Variants in IGHMBP2 observed in about 807,000 individuals in gnomAD.
The protein encoded by IGHMBP2 is DNA-binding protein SMUBP-2.
In IGHMBP2, 81 loss-of-function variants were observed where a neutral mutation model predicts 96.0. The ratio of observed to expected loss-of-function variants is 0.84; its 90% CI spans 0.71 to 1.01. IGHMBP2 has a LOEUF of 1.01. IGHMBP2 is among the 50% of genes least tolerant of loss of function. IGHMBP2 has a pLI of 0.00. For missense variants in IGHMBP2, 1,227 were observed against 1,306.3 expected, an observed-to-expected ratio of 0.94 and a Z score of 0.94; for synonymous variants, 557 against 548.9, an observed-to-expected ratio of 1.01 and a Z score of -0.21.
In IGHMBP2 at chr11:68,936,532, G is replaced by A; in HGVS notation, c.2052G>A (p.Gln684=). Residue 684 remains glutamine, a synonymous_variant, in exon 13 of 15, where the codon CAG becomes CAA. Transcript: ENST00000255078. ...RTGSQRQEGG[Q]EAAAPARQGR... ...GAAGCCAGCGGCAGGAGGGAGGCCAGGAGGCTGCAGCACCTGCCAGACAGG... is the reference window on the plus strand; with the variant it reads ...GAAGCCAGCGGCAGGAGGGAGGCCAAGAGGCTGCAGCACCTGCCAGACAGG... The A allele has an allele frequency of 6.2e-7, 1 of 1,613,174 alleles. No individual in the cohort carries two copies. The highest frequency in any genetic ancestry group is 8.5e-7 in the Non-Finnish European group (1 of 1,179,774).
At chr11:68,924,253 C>G (rs1438234230) in intron 7 of IGHMBP2, among the ~76,000 whole-genome samples, 1 of 152,196 alleles carries the variant, frequency 6.6e-6, no homozygotes, top group African/African-American at 2.4e-5. Context: ...GAGAGCACTC[C>G]CGTTACAGAG....
In IGHMBP2 at chr11:68,938,240, C is replaced by T. The variant is rs759271458; in HGVS notation, c.2670C>T (p.Ala890=). The change falls in exon 14 of 15, where the codon GCC becomes GCT. Residue 890 remains alanine, a synonymous_variant. Transcript: ENST00000255078. ...ACTTTGAGGCCCTGGTTTCTGCCGC[C>T]GTTAAGGCTGATAACACCTGCGGCT... ...EEDFEALVSA[A]VKADNTCGFA... 19 of 1,613,968 alleles carry T rather than the reference C, an allele frequency of 1.2e-5. No individual in the cohort carries two copies. The highest frequency in any genetic ancestry group is 5.3e-5 in the African/African-American group (4 of 74,936).
chr11:68,923,407 T>G (rs1377369996), intron 7 of IGHMBP2, among the ~76,000 whole-genome samples: 1 of 152,156 alleles, frequency 6.6e-6, no homozygotes, highest in African/African-American at 2.4e-5. Flanking sequence ...TTCACCATGT[T>G]GGCCAGGCTG....
Position 68,921,185 on chromosome 11 carries a change from C to CTT in IGHMBP2, c.1060+3312_1060+3313dup, listed in dbSNP as rs11392795. Among the ~76,000 whole-genome samples the CTT allele has an allele frequency of 2.1e-3, 310 of 147,340 alleles. 1 individual carries two copies. Among genetic ancestry groups the CTT allele is most frequent in the Admixed American group, 5.5e-3 (82 of 14,792 alleles). ...CTTTTAATTAATTAATTGAACATTT[C>CTT]TTTTTTTTTTTACATAAGTTCTCAC... On this transcript the variant is annotated intron_variant, in intron 7 of 14. Transcript: ENST00000255078.
At position 68,939,791 on chromosome 11, in the gene IGHMBP2, G is replaced by A; in HGVS notation, c.*60G>A. 4 of 1,519,134 alleles carry A rather than the reference G, an allele frequency of 2.6e-6. No homozygotes were observed. Among genetic ancestry groups the A allele is most frequent in the Non-Finnish European group, 3.6e-6 (4 of 1,118,342 alleles). 94.1% of individuals were successfully genotyped at this position (1,519,134 alleles called of 1,614,324 possible). A position where few individuals can be genotyped will look rare whatever the true frequency, so the allele number is the denominator to read the frequency against. On this transcript the variant is annotated 3_prime_UTR_variant, in exon 15 of 15. Transcript: ENST00000255078. ...TCCATGGTAGCCCAGGGCGCTGGCA[G>A]ACCATGCTCCGCCTCCACCAGGGCC...
At position 68,935,442 on chromosome 11, in the gene IGHMBP2, G is replaced by T. The variant is rs781462762; in HGVS notation, c.1756+20G>T. ...GGAAAGGTACGGAGCCCTCGCCAGAGTCCTTTGGGGACAGCACAGAAGTGA... is the reference window on the plus strand; with the variant it reads ...GGAAAGGTACGGAGCCCTCGCCAGATTCCTTTGGGGACAGCACAGAAGTGA... On this transcript the variant is annotated intron_variant, in intron 12 of 14. Coordinates refer to ENST00000255078, the MANE Select transcript of IGHMBP2 (RefSeq NM_002180.3). 2 of 1,613,678 alleles carry T rather than the reference G, an allele frequency of 1.2e-6. No homozygotes were observed. The highest frequency in any genetic ancestry group is 2.2e-5 in the South Asian group (2 of 91,074).
At chr11:68,933,570 A>G in intron 9 of IGHMBP2, 89 bp downstream of exon 9, 2 of 1,462,358 alleles carry the variant, frequency 1.4e-6, no homozygotes, top group South Asian at 1.2e-5. Flanking sequence ...GCTAAAGTGA[A>G]GCTTTCTGCA....
intron 3 of IGHMBP2, 47 bp from the exon 4 acceptor site, chr11:68,908,487 G>A (rs771621842): frequency 3.4e-5 from 51 of 1,513,606 alleles, no homozygotes; most frequent in South Asian, 3.4e-5. Flanking sequence ...GCAGAGGCTC[G>A]GGCACTGAAT....
chr11:68,936,113 G>T, intron 12 of IGHMBP2, 124 bp from the exon 13 acceptor site: 1 of 1,110,948 alleles, frequency 9.0e-7, no homozygotes, highest in Non-Finnish European at 1.4e-6. Flanking sequence ...CCGGGCACCC[G>T]TGTGGATGGT....
chr11:68,935,305 C>T lies in IGHMBP2; in HGVS notation c.1639C>T (p.Leu547=), dbSNP rs779781442. ...AGCCCGGCTGGTGTTTCAGGTGGAC[C>T]TGCTCAGACAGAGCCTTGTGCACAG... ...VVSPYNLQVD[L]LRQSLVHRHP... Residue 547 remains leucine (L), a synonymous_variant, in exon 12 of 15, where the codon CTG becomes TTG. Transcript: ENST00000255078. 1 of 1,614,032 alleles carries T rather than the reference C, an allele frequency of 6.2e-7. No homozygotes were observed. Among genetic ancestry groups the T allele is most frequent in the Non-Finnish European group, 8.5e-7 (1 of 1,180,010 alleles).
At position 68,937,025 on chromosome 11, in the gene IGHMBP2, G is replaced by A. The variant is rs2228208; in HGVS notation, c.2545G>A (p.Ala849Thr). The change falls in exon 13 of 15, where the codon GCC becomes ACC. Residue 849 changes from alanine (A) to threonine (T), a missense_variant. Around this residue, in one of 3 missense-constraint regions of IGHMBP2, gnomAD observed 703 missense variants for 770.3 expected, o/e 0.91. Coordinates refer to ENST00000255078, the MANE Select transcript of IGHMBP2 (RefSeq NM_002180.3). Reference sequence around the variant, plus strand: ...GGTCAGGAGCGCGCAGGGGCAGCCCGCCAGCAAGGAGCAGCAGGCCTCAGG... The same window carrying A: ...GGTCAGGAGCGCGCAGGGGCAGCCCACCAGCAAGGAGCAGCAGGCCTCAGG... ...QRVRSAQGQP[A>T]SKEQQASGQQ... The A allele has an allele frequency of 3.2e-4, 520 of 1,608,064 alleles. 1 individual carries two copies. The African/African-American group carries it at 5.2e-3, about 16-fold the overall frequency.
At chr11:68,938,454 T>A (rs1859639262) in intron 14 of IGHMBP2, 100 bp downstream of exon 14, 1 of 1,058,956 alleles carries the variant, frequency 9.4e-7, no homozygotes, top group Non-Finnish European at 1.4e-6. Flanking sequence ...GTCGGAACAG[T>A]TAGCTCCTTA....
At chr11:68,918,696 G>C (rs1244190674) in intron 7 of IGHMBP2, among the ~76,000 whole-genome samples, 1 of 152,060 alleles carries the variant, frequency 6.6e-6, no homozygotes, top group Non-Finnish European at 1.5e-5. Flanking sequence ...AAAAGAGACA[G>C]GGTCTCACTA....
At chr11:68,937,844 A>G (rs1232771413) in intron 13 of IGHMBP2, 7 of 317,660 alleles carry the variant, frequency 2.2e-5, no homozygotes, top group Admixed American at 4.3e-5. Context: ...TCACTCCCCA[A>G]ACCTTTGTTG....
Position 68,914,821 on chromosome 11 carries a change from A to C in IGHMBP2, c.712-2A>C. The C allele has an allele frequency of 6.2e-7, 1 of 1,614,234 alleles. No individual in the cohort carries two copies. Among genetic ancestry groups the C allele is most frequent in the Non-Finnish European group, 8.5e-7 (1 of 1,180,028 alleles). ...GACCAGATCCTAACTTGCGGTTCCC[A>C]GGTTCTGTGCTGCGCCCCCTCCAAC... On this transcript the variant is annotated splice_acceptor_variant, in intron 5 of 14. Transcript: ENST00000255078. LOFTEE classifies it high-confidence loss of function.
chr11:68,918,794 C>T (rs563441454), intron 7 of IGHMBP2, among the ~76,000 whole-genome samples: 8 of 152,234 alleles, frequency 5.3e-5, no homozygotes, highest in East Asian at 3.9e-4. Context: ...GTGGACCCAC[C>T]GCGCCCGGCC....
chr11:68,909,131 G>T (rs997853902), intron 4 of IGHMBP2, among the ~76,000 whole-genome samples: 4 of 142,908 alleles, frequency 2.8e-5, no homozygotes, highest in African/African-American at 1.0e-4. Flanking sequence ...GAGCCACCGT[G>T]CGCCTGGCCC....
chr11:68,933,459 TC>T lies in IGHMBP2; in HGVS notation c.1398del (p.Val467TrpfsTer6). The part of the protein sequence containing the change: ...MYLGQLTAHS[S>X]VARHLLRDLP... ...CCTTGGGCAGCTCACAGCCCACTCTTCCGTGGCAAGGCACCTCCTGAGGTGA... is the reference window on the plus strand; with the variant it reads ...CCTTGGGCAGCTCACAGCCCACTCTTCGTGGCAAGGCACCTCCTGAGGTGA... On this transcript the variant is annotated frameshift_variant, in exon 9 of 15. Transcript: ENST00000255078. LOFTEE classifies it high-confidence loss of function. 1 of 1,612,798 alleles carries T rather than the reference TC, an allele frequency of 6.2e-7. No homozygotes were observed. The highest frequency in any genetic ancestry group is 1.1e-5 in the South Asian group (1 of 90,804).
chr11:68,919,244 C>T (rs959449331), intron 7 of IGHMBP2, among the ~76,000 whole-genome samples: 25 of 150,628 alleles, frequency 1.7e-4, no homozygotes, highest in African/African-American at 6.1e-4. Context: ...CTCTCCTCTC[C>T]TCTCCTCTCT....
Sources: allele counts gnomAD v4.1 joint callset (sites outside exome capture counted in the v4.1 genomes callset), GRCh38; gene constraint gnomAD v4.1.1; regional missense constraint gnomAD v4.1.1; transcripts MANE v1.5; gene names NCBI Gene and HGNC (gene_info 2026-07-23, HGNC 2026-07-21).